CACNB4: variants seen among roughly 807,000 people sequenced by gnomAD.
CACNB4 encodes the protein calcium voltage-gated channel auxiliary subunit beta 4.
CACNB4 carries 32 observed loss-of-function variants against 71.2 expected under a neutral mutation model. The ratio of observed to expected loss-of-function variants is 0.45; its 90% CI spans 0.34 to 0.60. CACNB4 has a LOEUF of 0.60. Among genes scored for constraint, CACNB4 ranks in the 20% least tolerant of loss-of-function variants. CACNB4 has a pLI of 0.01. For synonymous variants in CACNB4, 231 were observed against 236.9 expected, an observed-to-expected ratio of 0.97 and a Z score of 0.23; for missense variants, 464 against 647.9, an observed-to-expected ratio of 0.72 and a Z score of 3.08.
intron 2 of CACNB4, among the ~76,000 whole-genome samples, chr2:152,054,015 C>T (rs1413711143): frequency 2.0e-5 from 3 of 152,228 alleles, no homozygotes; most frequent in Non-Finnish European, 4.4e-5. Context: ...TTATAGGATA[C>T]CCAGTTTGCA....
At chr2:151,886,245 A>C (rs2099849332) in intron 2 of CACNB4, among the ~76,000 whole-genome samples, 1 of 152,206 alleles carries the variant, frequency 6.6e-6, no homozygotes. Flanking sequence ...AACCCAAGTG[A>C]GACTGTGGTA....
intron 2 of CACNB4, among the ~76,000 whole-genome samples, chr2:151,906,815 C>G (rs563738128): frequency 1.3e-5 from 2 of 152,332 alleles, no homozygotes; most frequent in African/African-American, 4.8e-5. Context: ...CTGAACACAT[C>G]ATGTAGATTG....
At chr2:151,990,221 TA>T (rs1035199949) in intron 2 of CACNB4, among the ~76,000 whole-genome samples, 3 of 152,354 alleles carry the variant, frequency 2.0e-5, no homozygotes, top group African/African-American at 7.2e-5. Context: ...TCTCTTGCCA[TA>T]ATTTCCTCAC....
At chr2:151,996,888 C>T (rs555323807) in intron 2 of CACNB4, among the ~76,000 whole-genome samples, 5 of 152,064 alleles carry the variant, frequency 3.3e-5, no homozygotes, top group Admixed American at 2.6e-4. Flanking sequence ...TCAAGAGAAG[C>T]TCCTGCTTTC....
chr2:152,021,035 G>A (rs1250437658), intron 2 of CACNB4, among the ~76,000 whole-genome samples: 2 of 152,144 alleles, frequency 1.3e-5, no homozygotes, highest in South Asian at 2.1e-4. Flanking sequence ...GGTGGATCAC[G>A]AGGTCAGGAG....
At position 151,872,491 on chromosome 2, in the gene CACNB4, T is replaced by C. The variant is rs2151416831; in HGVS notation, c.524A>G (p.Lys175Arg). The stretch of plus-strand genomic sequence containing the variant: ...ACTTGAAGAAGAATTTCCACTTGAT[T>C]TCCTAGGATATAGAAAAGGAACTAA... ...EQKRGRFHGG[K>R]SSGNSSSSLG... The change falls in exon 6 of 14, where the codon AAA becomes AGA. Residue 175 changes from lysine to arginine, a missense_variant and splice_region_variant. By Grantham distance (26) the Lys-to-Arg change is conservative (BLOSUM62 2). Transcript: ENST00000539935. 6.3e-7 allele frequency: 1 copy of C among 1,576,958 alleles called. No individual in the cohort carries two copies. Among genetic ancestry groups the C allele is most frequent in the Non-Finnish European group, 8.7e-7 (1 of 1,148,428 alleles).
At chr2:151,969,694 TC>T (rs201289958) in intron 2 of CACNB4, 3,367 of 152,318 alleles carry the variant, frequency 0.022, 43 homozygotes, top group Middle Eastern at 0.031. Flanking sequence ...CATACATAGT[TC>T]CACAGCTTAT....
intron 2 of CACNB4, among the ~76,000 whole-genome samples, chr2:151,897,652 C>T (rs1037798925): frequency 3.3e-5 from 5 of 152,164 alleles, no homozygotes; most frequent in African/African-American, 7.2e-5. Context: ...GTTACTCATA[C>T]GAGAGCTGGC....
At chr2:152,005,088 T>TCAGC (rs1310186746) in intron 2 of CACNB4, among the ~76,000 whole-genome samples, 2 of 152,216 alleles carry the variant, frequency 1.3e-5, no homozygotes, top group Non-Finnish European at 1.5e-5. Context: ...GCAAATTAGT[T>TCAGC]CAGCCCCTGT....
In CACNB4 at chr2:152,098,531, G is replaced by C; in HGVS notation, c.64-118C>G. 2 of 1,351,726 alleles carry C rather than the reference G, an allele frequency of 1.5e-6. No homozygotes were observed. The highest frequency in any genetic ancestry group is 2.1e-6 in the Non-Finnish European group (2 of 952,632). The allele number at this position is 1,351,726 out of a possible 1,614,324, so 83.7% of individuals were successfully genotyped here. A position where few individuals can be genotyped will look rare whatever the true frequency, so the allele number is the denominator to read the frequency against. ...CGCTCCCTGGGGTCCCCTAGAGCCC[G>C]CACCCAAGTCTCCTCCGCGACTCCC... On this transcript the variant is annotated intron_variant, in intron 1 of 13. Transcript: ENST00000539935. This position sits in a 1 kb window ranked among gnomAD's most constrained non-coding sequence, Gnocchi z 5.3.
intron 2 of CACNB4, among the ~76,000 whole-genome samples, chr2:152,013,633 C>G (rs1372918439): frequency 6.6e-6 from 1 of 152,096 alleles, no homozygotes; most frequent in Non-Finnish European, 1.5e-5. Flanking sequence ...AAAGCATGCC[C>G]CGTGCAAAGG....
At chr2:151,873,773 T>C (rs921249046) in intron 5 of CACNB4, 17 of 152,100 alleles carry the variant, frequency 1.1e-4, no homozygotes, top group African/African-American at 4.1e-4. Flanking sequence ...AAAAGGGGCA[T>C]GGAAGACAAA....
chr2:152,071,080 C>G lies in CACNB4; in HGVS notation c.147+27250G>C, dbSNP rs947255291. 1.3e-5 allele frequency among the ~76,000 whole-genome samples: 2 copies of G among 152,240 alleles called. 1 individual carries two copies. Among genetic ancestry groups the G allele is most frequent in the South Asian group, 4.1e-4 (2 of 4,826 alleles). ...TGCACTCAGCCAACTTATATTCATACATGCTTAATCACAGTTGCTATATAT... is the reference window on the plus strand; with the variant it reads ...TGCACTCAGCCAACTTATATTCATAGATGCTTAATCACAGTTGCTATATAT... On this transcript the variant is annotated intron_variant, in intron 2 of 13. Coordinates refer to ENST00000539935, the MANE Select transcript of CACNB4 (RefSeq NM_000726.5).
At chr2:151,933,099 G>C (rs1438141192) in intron 2 of CACNB4, among the ~76,000 whole-genome samples, 4 of 151,268 alleles carry the variant, frequency 2.6e-5, no homozygotes, top group Non-Finnish European at 5.9e-5. Flanking sequence ...CCAGTTGGTG[G>C]TACTTTGTTA....
At chr2:151,995,578 G>A (rs1456336095) in intron 2 of CACNB4, among the ~76,000 whole-genome samples, 1 of 152,142 alleles carries the variant, frequency 6.6e-6, no homozygotes, top group African/African-American at 2.4e-5. Context: ...GCATGGTGGC[G>A]GGCACCTGTA....
intron 2 of CACNB4, among the ~76,000 whole-genome samples, chr2:152,069,928 T>C (rs1007416495): frequency 2.7e-5 from 4 of 149,664 alleles, no homozygotes; most frequent in South Asian, 2.1e-4. Context: ...CTGCAAGCTC[T>C]GCCTCCCGGG....
chr2:152,099,015 T>C lies in CACNB4; in HGVS notation c.-4A>G, dbSNP rs1163000603. 3.3e-6 allele frequency: 5 copies of C among 1,523,286 alleles called. No homozygotes were observed. The African/African-American group carries it at 5.7e-5, about 17-fold the overall frequency. The allele number at this position is 1,523,286 out of a possible 1,614,324, so 94.4% of individuals were successfully genotyped here. Reference sequence around the variant, plus strand: ...TGGCGTAGGAGGAGGAGGACATCGTTCAGAGCCGCCGCATGGCCAGCCCGT... The same window carrying C: ...TGGCGTAGGAGGAGGAGGACATCGTCCAGAGCCGCCGCATGGCCAGCCCGT... On this transcript the variant is annotated 5_prime_UTR_variant, in exon 1 of 14. The change abolishes the stop of an existing upstream ORF in the 5' untranslated region. Coordinates refer to ENST00000539935, the MANE Select transcript of CACNB4 (RefSeq NM_000726.5).
intron 2 of CACNB4, among the ~76,000 whole-genome samples, chr2:151,941,748 G>A (rs1359607297): frequency 6.6e-6 from 1 of 152,122 alleles, no homozygotes; most frequent in African/African-American, 2.4e-5. Context: ...ATAATACCAA[G>A]TAATGTACAA....
chr2:152,054,390 T>C (rs1388405636), intron 2 of CACNB4, among the ~76,000 whole-genome samples: 1 of 129,492 alleles, frequency 7.7e-6, no homozygotes, highest in Non-Finnish European at 1.7e-5. Flanking sequence ...AAAAAAAAAA[T>C]AGTATTGTGT....
Sources: gnomAD v4.1 joint callset for allele counts (sites outside exome capture counted in the v4.1 genomes callset) on GRCh38, gnomAD v4.1.1 for gene constraint, Gnocchi (gnomAD v3.1) non-coding constraint, MANE v1.5 for transcripts, NCBI Gene and HGNC (gene_info 2026-07-23, HGNC 2026-07-21) for gene names.